TRMT6: variants seen among roughly 807,000 people sequenced by gnomAD.
TRMT6 encodes tRNA methyltransferase 6 non-catalytic subunit, also known as tRNA (adenine(58)-N(1))-methyltransferase non-catalytic subunit TRM6.
In TRMT6, 34 loss-of-function variants were observed where a neutral mutation model predicts 59.0. The ratio of observed to expected loss-of-function variants is 0.58; its 90% CI spans 0.44 to 0.77. The LOEUF is 0.77. Among genes scored for constraint, TRMT6 ranks in the 30% least tolerant of loss-of-function variants. The pLI, the probability that TRMT6 is intolerant of heterozygous loss-of-function variation, is 0.00. For missense variants in TRMT6, 575 were observed against 604.5 expected, an observed-to-expected ratio of 0.95 and a Z score of 0.51; for synonymous variants, 217 against 210.5, an observed-to-expected ratio of 1.03 and a Z score of -0.27.
chr20:5,948,533 C>T (rs1209725472), intron 1 of TRMT6, among the ~76,000 whole-genome samples: 1 of 152,094 alleles, frequency 6.6e-6, no homozygotes, highest in Non-Finnish European at 1.5e-5. Flanking sequence ...CAGTGGTCTC[C>T]AACCCTTTTG....
At chr20:5,950,153 G>A (rs984598424) in intron 1 of TRMT6, 125 bp downstream of exon 1, 3 of 993,594 alleles carry the variant, frequency 3.0e-6, no homozygotes, top group Middle Eastern at 2.3e-4. Context: ...CAACGAGGGC[G>A]GGGAATGGGG....
At chr20:5,944,391 CT>C (rs1225724298) in intron 3 of TRMT6, 138 bp from the exon 4 acceptor site, 21 of 530,920 alleles carry the variant, frequency 4.0e-5, no homozygotes, top group Admixed American at 7.4e-5. Context: ...AATAGATGAA[CT>C]TTATATTTCT....
In TRMT6 at chr20:5,943,672, T is replaced by C; in HGVS notation, c.554A>G (p.Tyr185Cys). 1 of 1,613,894 alleles carries C rather than the reference T, an allele frequency of 6.2e-7. No homozygotes were observed. The highest frequency in any genetic ancestry group is 1.1e-5 in the South Asian group (1 of 90,954). The change falls in exon 6 of 11, where the codon TAC (tyrosine) becomes TGC (cysteine). Residue 185 changes from tyrosine (Y) to cysteine (C), a missense_variant. Coordinates refer to ENST00000203001, the MANE Select transcript of TRMT6 (RefSeq NM_015939.5). ...REPGKINHMR[Y>C]DTLAQMLTLG... ...CGTCAACATCTGGGCTAGTGTATCGTATCTCATGTGGCTAAAGTAAAAACA... is the reference window on the plus strand; with the variant it reads ...CGTCAACATCTGGGCTAGTGTATCGCATCTCATGTGGCTAAAGTAAAAACA...
rs2088659602 is a variant in TRMT6 at position 5,941,940 on chromosome 20, C to T, written c.1112+11G>A. The T allele has an allele frequency of 2.5e-6, 4 of 1,609,968 alleles. No homozygotes were observed. The highest frequency in any genetic ancestry group is 1.7e-5 in the Admixed American group (1 of 59,982). ...CACTGAGGAGTCTCCTGCCTTCTTCCATCAACGCACCCATCTGCGTTTCTT... is the reference window on the plus strand; with the variant it reads ...CACTGAGGAGTCTCCTGCCTTCTTCTATCAACGCACCCATCTGCGTTTCTT... On this transcript the variant is annotated intron_variant, in intron 8 of 10. Transcript: ENST00000203001.
Position 5,938,555 on chromosome 20 carries a change from A to C in TRMT6, c.1474T>G (p.Cys492Gly). ...AAGGGTTAAGAGTCAGACTCTGGGCATTTTCGTTTTTTAGCTGCAGGCTCC... is the reference window on the plus strand; with the variant it reads ...AAGGGTTAAGAGTCAGACTCTGGGCCTTTTCGTTTTTTAGCTGCAGGCTCC... ...TEEPAAKKRK[C>G]PESDS The change falls in exon 11 of 11, where the codon TGC (cysteine) becomes GGC (glycine). Residue 492 changes from cysteine to glycine, a missense_variant. Physicochemically the swap from Cys to Gly is radical, Grantham distance 159. Coordinates refer to ENST00000203001, the MANE Select transcript of TRMT6 (RefSeq NM_015939.5). 6.2e-7 allele frequency: 1 copy of C among 1,614,112 alleles called. No homozygotes were observed.
chr20:5,942,478 G>A lies in TRMT6; in HGVS notation c.976C>T (p.Gln326Ter). The change falls in exon 7 of 11, where the codon CAA becomes TAA. Residue 326 changes from glutamine to a stop codon, truncating the protein, a stop_gained. Transcript: ENST00000203001. LOFTEE classifies it high-confidence loss of function. Reference sequence around the variant, plus strand: ...TTAGGCCCCTTATGTTCTGGATCTTGAGAAATTGTTTCCATTGTTTCCTGG... The same window carrying A: ...TTAGGCCCCTTATGTTCTGGATCTTAAGAAATTGTTTCCATTGTTTCCTGG... ...EDQETMETISQDPEHKGPKER... is the reference protein window; with the variant it reads ...EDQETMETIS The A allele has an allele frequency of 6.2e-7, 1 of 1,613,940 alleles. No individual in the cohort carries two copies. The highest frequency in any genetic ancestry group is 8.5e-7 in the Non-Finnish European group (1 of 1,179,998).
intron 2 of TRMT6, among the ~76,000 whole-genome samples, chr20:5,945,133 G>A (rs902390764): frequency 2.0e-5 from 3 of 152,146 alleles, no homozygotes; most frequent in African/African-American, 7.2e-5. Flanking sequence ...CTGGATGCCA[G>A]AGTGCTCTTT....
rs1345342799 is a variant in TRMT6 at position 5,938,463 on chromosome 20, T to C, written c.*72A>G. 1.4e-6 allele frequency: 2 copies of C among 1,435,234 alleles called. No homozygotes were observed. The highest frequency in any genetic ancestry group is 1.4e-5 in the African/African-American group (1 of 70,074). The allele number at this position is 1,435,234 out of a possible 1,614,324, so 88.9% of individuals were successfully genotyped here. On this transcript the variant is annotated 3_prime_UTR_variant, in exon 11 of 11. Transcript: ENST00000203001. ...TCTTGGGATATGAAAAAACAAGTAG[T>C]AATGGCATTTAAAGTTTAATTACTA...
intron 1 of TRMT6, among the ~76,000 whole-genome samples, chr20:5,947,113 G>A (rs1018654437): frequency 1.3e-5 from 2 of 152,170 alleles, no homozygotes; most frequent in South Asian, 2.1e-4. Flanking sequence ...CTGGGACATA[G>A]CTCTTTCCAG....
Position 5,944,035 on chromosome 20 carries a change from G to A in TRMT6, c.459-4C>T. 6.4e-7 allele frequency: 1 copy of A among 1,571,368 alleles called. No homozygotes were observed. The highest frequency in any genetic ancestry group is 8.6e-7 in the Non-Finnish European group (1 of 1,160,322). ...AACAGTAATGATGGCTTCATATCTG[G>A]GGGAAGAAAAAACAGAACGCTGATT... is the stretch of plus-strand genomic sequence containing the variant. On this transcript the variant is annotated splice_polypyrimidine_tract_variant and splice_region_variant and intron_variant, in intron 4 of 10. Transcript: ENST00000203001.
intron 2 of TRMT6, 33 bp from the exon 3 acceptor site, chr20:5,944,947 G>A (rs1232823685): frequency 2.0e-6 from 3 of 1,523,054 alleles, no homozygotes; most frequent in African/African-American, 1.4e-5. Flanking sequence ...TGACATTTAT[G>A]GTCTGAAATT....
chr20:5,939,829 AT>A (rs138438989), intron 10 of TRMT6, among the ~76,000 whole-genome samples: 2,919 of 152,264 alleles, frequency 0.019, 130 homozygotes, highest in East Asian at 0.11. Context: ...GCTCAATAGC[AT>A]CCCCACTACA....
At chr20:5,944,135 G>T (rs236178) in intron 4 of TRMT6, 27 bp downstream of exon 4, 1 of 1,365,962 alleles carries the variant, frequency 7.3e-7, no homozygotes, top group Non-Finnish European at 1.0e-6. Flanking sequence ...TTAATATTGT[G>T]GGCCTTTTAA....
chr20:5,947,160 C>G (rs1317950561), intron 1 of TRMT6, among the ~76,000 whole-genome samples: 1 of 152,160 alleles, frequency 6.6e-6, no homozygotes, highest in Non-Finnish European at 1.5e-5. Context: ...GTATCTTGTC[C>G]AAGATTCACA....
Position 5,944,036 on chromosome 20 carries a change from G to A in TRMT6, c.459-5C>T. On this transcript the variant is annotated splice_polypyrimidine_tract_variant and splice_region_variant and intron_variant, in intron 4 of 10. Coordinates refer to ENST00000203001, the MANE Select transcript of TRMT6 (RefSeq NM_015939.5). Reference sequence around the variant, plus strand: ...ACAGTAATGATGGCTTCATATCTGGGGGAAGAAAAAACAGAACGCTGATTT... The same window carrying A: ...ACAGTAATGATGGCTTCATATCTGGAGGAAGAAAAAACAGAACGCTGATTT... The A allele has an allele frequency of 2.5e-6, 4 of 1,570,176 alleles. No individual in the cohort carries two copies. The highest frequency in any genetic ancestry group is 3.4e-6 in the Non-Finnish European group (4 of 1,159,770).
At chr20:5,949,785 A>T (rs1307321669) in intron 1 of TRMT6, among the ~76,000 whole-genome samples, 1 of 152,028 alleles carries the variant, frequency 6.6e-6, no homozygotes, top group Non-Finnish European at 1.5e-5. Flanking sequence ...AAGAAGGAGG[A>T]TCTATGGTGG....
At chr20:5,948,744 G>A (rs6139879) in intron 1 of TRMT6, among the ~76,000 whole-genome samples, 10,227 of 152,180 alleles carry the variant, frequency 0.067, 400 homozygotes, top group Non-Finnish European at 0.096. Context: ...GGTTGGTGCA[G>A]GTATTACATT....
chr20:5,950,194 G>A, intron 1 of TRMT6, 84 bp downstream of exon 1: 3 of 1,432,480 alleles, frequency 2.1e-6, no homozygotes, highest in African/African-American at 1.4e-5. Flanking sequence ...CACCCTGGCG[G>A]AAGAATTCTG....
At chr20:5,945,260 C>T (rs1444119824) in intron 2 of TRMT6, among the ~76,000 whole-genome samples, 1 of 152,254 alleles carries the variant, frequency 6.6e-6, no homozygotes, top group Non-Finnish European at 1.5e-5. Context: ...TGGCCCCTGC[C>T]TATCATTCCT....
Sources: allele counts gnomAD v4.1 joint callset (sites outside exome capture counted in the v4.1 genomes callset), GRCh38; gene constraint gnomAD v4.1.1; transcripts MANE v1.5; gene names NCBI Gene and HGNC (gene_info 2026-07-23, HGNC 2026-07-21).